The following FAM107B variants were observed in gnomAD, a reference collection of about 807,000 sequenced individuals.
The protein encoded by FAM107B is family with sequence similarity 107 member B, also known as protein FAM107B.
A neutral mutation model predicts 31.5 loss-of-function variants in FAM107B; 21 were observed. That is an observed-to-expected ratio of 0.67 (90% CI 0.47 to 0.96). The LOEUF is 0.96. Ranked by LOEUF, FAM107B falls within the 40% of genes least tolerant of loss-of-function variation. The probability of loss-of-function intolerance (pLI) is 0.00; values close to 1 mark genes in which losing one functional copy is unlikely to be tolerated. For missense variants in FAM107B, 452 were observed against 377.1 expected (o/e 1.20, Z -1.64); for synonymous variants, 157 against 141.5 (o/e 1.11, Z -0.78).
At chr10:14,738,042 C>A (rs185443427) in intron 1 of FAM107B, among the ~76,000 whole-genome samples, 343 of 152,208 alleles carry the variant, frequency 2.3e-3, no homozygotes, top group African/African-American at 7.7e-3. Context: ...CTGTGAGGAC[C>A]AATTTACACA....
chr10:14,578,017 C>T (rs1158766418), intron 2 of FAM107B, among the ~76,000 whole-genome samples: 1 of 152,180 alleles, frequency 6.6e-6, no homozygotes, highest in East Asian at 1.9e-4. Flanking sequence ...AGCTGACACC[C>T]ATTTTCATGT....
At chr10:14,697,081 T>C (rs1855283213) in intron 1 of FAM107B, among the ~76,000 whole-genome samples, 1 of 152,094 alleles carries the variant, frequency 6.6e-6, no homozygotes, top group Non-Finnish European at 1.5e-5. Context: ...AGAAAGGTCA[T>C]TAGAGTGCAC....
chr10:14,768,033 C>A (rs763588560), intron 1 of FAM107B, among the ~76,000 whole-genome samples: 1 of 152,002 alleles, frequency 6.6e-6, no homozygotes, highest in Admixed American at 6.6e-5. Flanking sequence ...AGGAAATTAA[C>A]AAACAATTTT....
intron 1 of FAM107B, among the ~76,000 whole-genome samples, chr10:14,734,312 C>G (rs1215187248): frequency 1.3e-5 from 2 of 152,132 alleles, no homozygotes; most frequent in African/African-American, 4.8e-5. Flanking sequence ...CCAACTGCAG[C>G]CCAATTATAT....
At chr10:14,770,542 T>TA (rs1833278414) in intron 1 of FAM107B, among the ~76,000 whole-genome samples, 1 of 151,720 alleles carries the variant, frequency 6.6e-6, no homozygotes, top group South Asian at 2.1e-4. Flanking sequence ...AAAATAAAAA[T>TA]AAAATAAAAT....
In FAM107B at chr10:14,520,195, ATCT is replaced by A. The variant is rs1845501430; in HGVS notation, c.*992_*994del. ...ATCATTAGACATTCAAATGCTATAC[ATCT>A]TCTGATGAAGCCTCCTTGACAGCAG... On this transcript the variant is annotated 3_prime_UTR_variant, in exon 5 of 5. Transcript: ENST00000181796. 1 of 152,384 alleles carries A rather than the reference ATCT, an allele frequency of 6.6e-6. No individual in the cohort carries two copies. Among genetic ancestry groups the A allele is most frequent in the African/African-American group, 2.4e-5 (1 of 41,456 alleles). 9.4% of individuals were successfully genotyped at this position (152,384 alleles called of 1,614,324 possible).
intron 1 of FAM107B, among the ~76,000 whole-genome samples, chr10:14,765,865 A>C (rs1233517514): frequency 6.6e-6 from 1 of 152,178 alleles, no homozygotes; most frequent in East Asian, 1.9e-4. Context: ...AATGGTTTGT[A>C]CCAGAAAATG....
intron 2 of FAM107B, chr10:14,554,062 C>T (rs2131098226): frequency 1.0e-6 from 1 of 973,444 alleles, no homozygotes; most frequent in South Asian, 4.7e-5. Flanking sequence ...CACTGCCACA[C>T]ATATGTCATA....
intron 2 of FAM107B, among the ~76,000 whole-genome samples, chr10:14,566,703 G>C (rs538273199): frequency 1.3e-5 from 2 of 152,230 alleles, no homozygotes; most frequent in Non-Finnish European, 2.9e-5. Flanking sequence ...AGTAGAACAT[G>C]CTCTCAAAAT....
chr10:14,614,920 A>G (rs1852812991), intron 2 of FAM107B, among the ~76,000 whole-genome samples: 1 of 152,120 alleles, frequency 6.6e-6, no homozygotes, highest in South Asian at 2.1e-4. Context: ...TTCAAGACAT[A>G]ATGGGAAAAG....
chr10:14,649,955 T>A (rs555720454), intron 2 of FAM107B, among the ~76,000 whole-genome samples: 1 of 152,232 alleles, frequency 6.6e-6, no homozygotes, highest in Non-Finnish European at 1.5e-5. Flanking sequence ...GATGCAGGCA[T>A]GTCCTGTGCG....
intron 2 of FAM107B, among the ~76,000 whole-genome samples, chr10:14,534,083 T>G (rs372393004): frequency 2.0e-5 from 3 of 152,196 alleles, no homozygotes; most frequent in Non-Finnish European, 2.9e-5. Context: ...ATCTTCCTTC[T>G]TTTTCACTGG....
intron 2 of FAM107B, among the ~76,000 whole-genome samples, chr10:14,632,446 C>T (rs2131420046): frequency 6.6e-6 from 1 of 151,330 alleles, no homozygotes; most frequent in Admixed American, 6.6e-5. Context: ...CCCGTCTCTA[C>T]TAAAAATACA....
chr10:14,582,978 T>C (rs1054624866), intron 2 of FAM107B, among the ~76,000 whole-genome samples: 2 of 149,640 alleles, frequency 1.3e-5, no homozygotes, highest in Non-Finnish European at 3.0e-5. Flanking sequence ...CCCAGCTACT[T>C]GGGAGGCTAA....
In FAM107B at chr10:14,755,838, C is replaced by T. The variant is rs138407838; in HGVS notation, c.411+18415G>A. On this transcript the variant is annotated intron_variant, in intron 1 of 4. Coordinates refer to ENST00000181796, the MANE Select transcript of FAM107B (RefSeq NM_031453.4). Reference sequence around the variant, plus strand: ...GCCTTAGAAACTTCTTATCTACACCCCATCCCCAAATTTTCAGAAGAGTAA... The same window carrying T: ...GCCTTAGAAACTTCTTATCTACACCTCATCCCCAAATTTTCAGAAGAGTAA... 2.3e-3 allele frequency among the ~76,000 whole-genome samples: 351 copies of T among 152,302 alleles called. 1 individual carries two copies. Among genetic ancestry groups the T allele is most frequent in the African/African-American group, 8.0e-3 (331 of 41,548 alleles).
At chr10:14,547,283 T>C (rs893316735) in intron 2 of FAM107B, among the ~76,000 whole-genome samples, 2 of 152,234 alleles carry the variant, frequency 1.3e-5, no homozygotes, top group African/African-American at 4.8e-5. Context: ...AGAAAGAACC[T>C]TAAATAAAAG....
chr10:14,713,457 A>G (rs563112989), intron 1 of FAM107B, among the ~76,000 whole-genome samples: 1 of 152,334 alleles, frequency 6.6e-6, no homozygotes, highest in South Asian at 2.1e-4. Flanking sequence ...GAGCAGGAAG[A>G]ACTGGCACGA....
intron 2 of FAM107B, among the ~76,000 whole-genome samples, chr10:14,606,833 C>T (rs117150127): frequency 0.019 from 2,960 of 152,282 alleles, 42 homozygotes; most frequent in Non-Finnish European, 0.032. Context: ...AGAAACCAAC[C>T]CTACTGCCAT....
rs141674563 is a variant in FAM107B at position 14,685,075 on chromosome 10, A to C, written c.412-17384T>G. Among the ~76,000 whole-genome samples the C allele has an allele frequency of 4.3e-3, 660 of 151,952 alleles. 4 individuals are homozygous for C. Among genetic ancestry groups the C allele is most frequent in the Admixed American group, 6.7e-3 (103 of 15,260 alleles). On this transcript the variant is annotated intron_variant, in intron 1 of 4. Transcript: ENST00000181796. Reference sequence around the variant, plus strand: ...AGGGTGGTCTCTAGCTCCTGGGCTCAAGTGAATCTCCCAAAGTGCTGAGAT... The same window carrying C: ...AGGGTGGTCTCTAGCTCCTGGGCTCCAGTGAATCTCCCAAAGTGCTGAGAT...
Sources: gnomAD v4.1 joint callset for allele counts (sites outside exome capture counted in the v4.1 genomes callset) on GRCh38, gnomAD v4.1.1 for gene constraint, MANE v1.5 for transcripts, NCBI Gene and HGNC (gene_info 2026-07-23, HGNC 2026-07-21) for gene names.